NXPE2: variants seen among roughly 807,000 people sequenced by gnomAD.
The protein encoded by NXPE2 is neurexophilin and PC-esterase domain family member 2.
Under a neutral mutation model 34.4 loss-of-function variants are expected in NXPE2, and 34 were observed. That is an observed-to-expected ratio of 0.99 (90% CI 0.75 to 1.31). The LOEUF is 1.31. Ranked by LOEUF, NXPE2 falls within the 40% of genes most tolerant of loss-of-function variation. NXPE2 has a pLI of 0.00. For synonymous variants in NXPE2, 235 were observed against 231.3 expected (o/e 1.02, Z -0.15); for missense variants, 649 against 672.5 (o/e 0.97, Z 0.39).
chr11:114,530,875 G>A, the NXPE2 span: 2 of 1,612,768 alleles, frequency 1.2e-6, no homozygotes, highest in Non-Finnish European at 1.7e-6. Flanking sequence ...TTCCAGTAAT[G>A]GACAGAGATG....
the NXPE2 span, among the ~76,000 whole-genome samples, chr11:114,659,516 CA>C: frequency 0.17 from 25,882 of 150,334 alleles, 2,473 homozygotes; most frequent in South Asian, 0.21. Context: ...AGTGGTCTAA[CA>C]AAAAAAGTTT....
the NXPE2 span, among the ~76,000 whole-genome samples, chr11:114,659,763 A>G: frequency 6.6e-6 from 1 of 152,148 alleles, no homozygotes; most frequent in Non-Finnish European, 1.5e-5. Flanking sequence ...ATGTTAAGAA[A>G]CTGGAAAAAG....
the NXPE2 span, among the ~76,000 whole-genome samples, chr11:114,634,502 T>C: frequency 9.2e-5 from 14 of 152,066 alleles, 1 homozygote; most frequent in Admixed American, 5.2e-4. Context: ...CTTTTGTTGC[T>C]ATTGCTTTTG....
chr11:114,798,681 C>T, the NXPE2 span, among the ~76,000 whole-genome samples: 395 of 152,324 alleles, frequency 2.6e-3, 1 homozygote, highest in African/African-American at 8.3e-3. Context: ...TGCACCCGGC[C>T]GGGACTCTTT....
the NXPE2 span, among the ~76,000 whole-genome samples, chr11:114,519,895 G>C: frequency 6.6e-6 from 1 of 150,592 alleles, no homozygotes; most frequent in African/African-American, 2.5e-5. Flanking sequence ...CCTTTTGTTT[G>C]TTTGTTTGTT....
the NXPE2 span, among the ~76,000 whole-genome samples, chr11:114,557,673 A>ATC: frequency 3.1e-4 from 39 of 123,918 alleles, 1 homozygote; most frequent in Non-Finnish European, 3.4e-5. Context: ...ATATATATAT[A>ATC]AAATCCTTGT....
chr11:114,702,432 G>C (rs1004178491), intron 3 of NXPE2, among the ~76,000 whole-genome samples: 10 of 152,134 alleles, frequency 6.6e-5, no homozygotes, highest in Non-Finnish European at 1.2e-4. Flanking sequence ...GGAGAATAGA[G>C]GTTTGGTCAG....
the NXPE2 span, among the ~76,000 whole-genome samples, chr11:114,791,746 G>A: frequency 2.0e-5 from 3 of 152,220 alleles, no homozygotes; most frequent in Non-Finnish European, 2.9e-5. Context: ...CACACTTGGT[G>A]CCAGCAGCCT....
the NXPE2 span, among the ~76,000 whole-genome samples, chr11:114,630,676 A>G: frequency 6.6e-6 from 1 of 150,972 alleles, no homozygotes; most frequent in Non-Finnish European, 1.5e-5. Context: ...GACAAATGGG[A>G]TCTAATTAAA....
At chr11:114,536,420 A>G in the NXPE2 span, among the ~76,000 whole-genome samples, 1 of 152,244 alleles carries the variant, frequency 6.6e-6, no homozygotes, top group Non-Finnish European at 1.5e-5. Flanking sequence ...GAAGGCAAGA[A>G]ATAACTAAGA....
chr11:114,538,506 G>C, the NXPE2 span, among the ~76,000 whole-genome samples: 1 of 152,170 alleles, frequency 6.6e-6, no homozygotes, highest in African/African-American at 2.4e-5. Flanking sequence ...TACAAAATGG[G>C]AGAAAATTTT....
chr11:114,575,022 G>A, the NXPE2 span, among the ~76,000 whole-genome samples: 4 of 152,164 alleles, frequency 2.6e-5, no homozygotes, highest in East Asian at 1.9e-4. Flanking sequence ...TACCAGGGAC[G>A]CAGGGATGGC....
At chr11:114,666,911 C>T in the NXPE2 span, among the ~76,000 whole-genome samples, 1 of 152,090 alleles carries the variant, frequency 6.6e-6, no homozygotes, top group Non-Finnish European at 1.5e-5. Flanking sequence ...CTCTTTATAG[C>T]ATATATACAT....
the NXPE2 span, among the ~76,000 whole-genome samples, chr11:114,752,620 C>T: frequency 6.6e-6 from 1 of 152,012 alleles, no homozygotes; most frequent in African/African-American, 2.4e-5. Context: ...GAAAATAGAT[C>T]CTAGGAGACT....
chr11:114,581,054 T>C, the NXPE2 span, among the ~76,000 whole-genome samples: 8 of 152,332 alleles, frequency 5.3e-5, no homozygotes, highest in Non-Finnish European at 1.0e-4. Flanking sequence ...TACATCTAGG[T>C]ACATATTTAC....
chr11:114,560,532 G>A, the NXPE2 span, among the ~76,000 whole-genome samples: 1 of 152,170 alleles, frequency 6.6e-6, no homozygotes, highest in East Asian at 1.9e-4. Flanking sequence ...CACCCAAAGT[G>A]CTGGGATTAC....
the NXPE2 span, among the ~76,000 whole-genome samples, chr11:114,642,748 G>A: frequency 2.6e-5 from 4 of 151,984 alleles, no homozygotes; most frequent in African/African-American, 7.2e-5. Flanking sequence ...CTTTATAGTA[G>A]AATGGTTTAT....
chr11:114,537,029 C>G, the NXPE2 span, among the ~76,000 whole-genome samples: 1 of 152,112 alleles, frequency 6.6e-6, no homozygotes, highest in African/African-American at 2.4e-5. Flanking sequence ...CAAAAATCCG[C>G]AATAAAATAC....
the NXPE2 span, among the ~76,000 whole-genome samples, chr11:114,667,343 C>A: frequency 1.3e-5 from 2 of 152,014 alleles, no homozygotes; most frequent in Non-Finnish European, 2.9e-5. Context: ...ACAAATTTCT[C>A]CTAAAATGTC....
Sources: allele counts gnomAD v4.1 joint callset (sites outside exome capture counted in the v4.1 genomes callset), GRCh38; gene constraint gnomAD v4.1.1; transcripts MANE v1.5; gene names NCBI Gene and HGNC (gene_info 2026-07-23, HGNC 2026-07-21).